TIGD1: variants seen among roughly 807,000 people sequenced by gnomAD.
The protein encoded by TIGD1 is tigger transposable element derived 1, also known as tigger transposable element-derived protein 1.
In TIGD1, 20 loss-of-function variants were observed where a neutral mutation model predicts 21.3. The observed-to-expected ratio is 0.94, with a 90% CI of 0.66 to 1.36. The LOEUF is 1.36. Ranked by LOEUF, TIGD1 falls within the 40% of genes most tolerant of loss-of-function variation. TIGD1 has a pLI of 0.00. For synonymous variants in TIGD1, 177 were observed against 123.2 expected (o/e 1.44, Z -2.89); for missense variants, 556 against 350.5 (o/e 1.59, Z -4.68).
rs1327752775 is a variant in TIGD1, at chr2:232,544,340, GC to G, written c.*3766del. The G allele has an allele frequency of 6.4e-7, 1 of 1,571,282 alleles. No individual in the cohort carries two copies. The highest frequency in any genetic ancestry group is 1.1e-5 in the South Asian group (1 of 90,250). ...CTTCTGCTCTGAAGCTCGGCCTGCT[GC>G]CCTAGTGAAGCCACCCCCTCTCTAG... On this transcript the variant is annotated 3_prime_UTR_variant, in exon 1 of 1. Coordinates refer to ENST00000408957, the MANE Select transcript of TIGD1 (RefSeq NM_145702.4).
Position 232,548,954 on chromosome 2 carries a change from G to C in TIGD1, c.929C>G (p.Ala310Gly), listed in dbSNP as rs1692195499. The C allele has an allele frequency of 1.5e-6, 1 of 685,880 alleles. No individual in the cohort carries two copies. The highest frequency in any genetic ancestry group is 1.8e-5 in the African/African-American group (1 of 56,798). 42.5% of individuals were successfully genotyped at this position (685,880 alleles called of 1,614,324 possible). A position where few individuals can be genotyped will look rare whatever the true frequency, so the allele number is the denominator to read the frequency against. The change falls in exon 1 of 1, where the codon GCT becomes GGT. Residue 310 changes from alanine (A) to glycine (G), a missense_variant. Ala to Gly is a moderately conservative substitution (Grantham distance 60, BLOSUM62 0). Coordinates refer to ENST00000408957, the MANE Select transcript of TIGD1 (RefSeq NM_145702.4). ...AATCTCCTCGTATATCTCCATCAGAGCTCTTGGATGACTAGGGGCATTGTC... is the reference window on the plus strand; with the variant it reads ...AATCTCCTCGTATATCTCCATCAGACCTCTTGGATGACTAGGGGCATTGTC... ...LIDNAPSHPR[A>G]LMEIYEEINV...
At position 232,544,837 on chromosome 2, in the gene TIGD1, C is replaced by T; in HGVS notation, c.*3270G>A. The T allele has an allele frequency of 6.2e-7, 1 of 1,613,944 alleles. No individual in the cohort carries two copies. Among genetic ancestry groups the T allele is most frequent in the Non-Finnish European group, 8.5e-7 (1 of 1,179,996 alleles). On this transcript the variant is annotated 3_prime_UTR_variant, in exon 1 of 1. Coordinates refer to ENST00000408957, the MANE Select transcript of TIGD1 (RefSeq NM_145702.4). ...CCTGAAGCAGGCTGCCCCAGCCATC[C>T]AGGCCTGTGTGGAAGCCTGCAACCT...
Position 232,550,500 on chromosome 2 carries a change from T to A in TIGD1, c.-618A>T. The A allele has an allele frequency of 1.7e-6, 1 of 593,040 alleles. No homozygotes were observed. Among genetic ancestry groups the A allele is most frequent in the Non-Finnish European group, 3.0e-6 (1 of 334,756 alleles). 36.7% of individuals were successfully genotyped at this position (593,040 alleles called of 1,614,324 possible). ...GGAGAGCGGGCGGGTCACAAGGACC[T>A]GGACAGAGGCAGAACTGAGGCCAGC... On this transcript the variant is annotated 5_prime_UTR_variant, in exon 1 of 1. Transcript: ENST00000408957.
rs1692098288 is a variant in TIGD1, at chr2:232,545,021, G to A, written c.*3086C>T. The A allele has an allele frequency of 2.3e-6, 3 of 1,278,860 alleles. No individual in the cohort carries two copies. The Admixed American group carries it at 5.8e-5, about 25-fold the overall frequency. 79.2% of individuals were successfully genotyped at this position (1,278,860 alleles called of 1,614,324 possible). On this transcript the variant is annotated 3_prime_UTR_variant, in exon 1 of 1. Coordinates refer to ENST00000408957, the MANE Select transcript of TIGD1 (RefSeq NM_145702.4). ...GTGGGATGGAAAAACATGAGGCCGG[G>A]TGCAGTGGGTCACACCTGTAATCCC... is the stretch of plus-strand genomic sequence containing the variant.
Position 232,545,948 on chromosome 2 carries a change from T to C in TIGD1, c.*2159A>G, listed in dbSNP as rs1174810945. ...TGCTGCAGTCAGCACACACGTGGGA[T>C]TGGCTAGCTCATCCTGGCACCAGCC... On this transcript the variant is annotated 3_prime_UTR_variant, in exon 1 of 1. Transcript: ENST00000408957. 6 of 627,436 alleles carry C rather than the reference T, an allele frequency of 9.6e-6. No individual in the cohort carries two copies. Among genetic ancestry groups the C allele is most frequent in the Admixed American group, 2.2e-5 (1 of 44,502 alleles). The allele number at this position is 627,436 out of a possible 1,614,324, so 38.9% of individuals were successfully genotyped here.
chr2:232,545,169 T>C lies in TIGD1; in HGVS notation c.*2938A>G, dbSNP rs531932726. ...AAAAATACCAAAAATTAGCTGGGTG[T>C]GGTGGCGGGCACCTGTATTCCCAGC... On this transcript the variant is annotated 3_prime_UTR_variant, in exon 1 of 1. Transcript: ENST00000408957. 6.6e-6 allele frequency among the ~76,000 whole-genome samples: 1 copy of C among 152,020 alleles called. No individual in the cohort carries two copies. Among genetic ancestry groups the C allele is most frequent in the Non-Finnish European group, 1.5e-5 (1 of 67,986 alleles).
rs1385612586 is a variant in TIGD1, at chr2:232,548,307, T to C, written c.1576A>G (p.Ser526Gly). ...AAGATTTCTCTGTAGCATGCGATGCTGTTTGATAGCATTTTGCCCACAGTA... is the reference window on the plus strand; with the variant it reads ...AAGATTTCTCTGTAGCATGCGATGCCGTTTGATAGCATTTTGCCCACAGTA... Reference protein sequence around the residue: ...SSTVGKMLSNSIACYREIFHE... With the variant: ...SSTVGKMLSNGIACYREIFHE... The change falls in exon 1 of 1, where the codon AGC (serine) becomes GGC (glycine). Residue 526 changes from serine (S) to glycine (G), a missense_variant. Physicochemically the swap from Ser to Gly is moderately conservative, Grantham distance 56 (BLOSUM62 0). Transcript: ENST00000408957. 9.3e-6 allele frequency: 14 copies of C among 1,510,104 alleles called. No homozygotes were observed. Among genetic ancestry groups the C allele is most frequent in the Non-Finnish European group, 1.2e-5 (14 of 1,128,974 alleles). The allele number at this position is 1,510,104 out of a possible 1,614,324, so 93.5% of individuals were successfully genotyped here.
Position 232,544,520 on chromosome 2 carries a change from G to C in TIGD1, c.*3587C>G, listed in dbSNP as rs1303013064. 1 of 1,613,880 alleles carries C rather than the reference G, an allele frequency of 6.2e-7. No homozygotes were observed. The highest frequency in any genetic ancestry group is 1.7e-5 in the Admixed American group (1 of 60,026). On this transcript the variant is annotated 3_prime_UTR_variant, in exon 1 of 1. Transcript: ENST00000408957. Reference sequence around the variant, plus strand: ...GGTGGCCCTCTGCCTGCCTCGCAGTGAACTCCTCTTCCAGCAGTGGCAGCG... The same window carrying C: ...GGTGGCCCTCTGCCTGCCTCGCAGTCAACTCCTCTTCCAGCAGTGGCAGCG...
At position 232,548,795 on chromosome 2, in the gene TIGD1, G is replaced by C. The variant is rs1419139477; in HGVS notation, c.1088C>G (p.Ser363Cys). 4 of 556,440 alleles carry C rather than the reference G, an allele frequency of 7.2e-6. No individual in the cohort carries two copies. Among genetic ancestry groups the C allele is most frequent in the South Asian group, 3.1e-5 (2 of 63,956 alleles). 34.5% of individuals were successfully genotyped at this position (556,440 alleles called of 1,614,324 possible). A position where few individuals can be genotyped will look rare whatever the true frequency, so the allele number is the denominator to read the frequency against. ...KALAAMDSDV[S>C]DGSGQSKLKT... ...CAATTTGCTTTGCCCAGATCCATCAGAGACATCACTATCCATGGCAGCTAG... is the reference window on the plus strand; with the variant it reads ...CAATTTGCTTTGCCCAGATCCATCACAGACATCACTATCCATGGCAGCTAG... Residue 363 changes from serine to cysteine, a missense_variant, in exon 1 of 1, where the codon TCT (serine) becomes TGT (cysteine). Physicochemically the swap from Ser to Cys is moderately radical, Grantham distance 112. Coordinates refer to ENST00000408957, the MANE Select transcript of TIGD1 (RefSeq NM_145702.4).
rs1223423867 is a variant in TIGD1, at chr2:232,548,518, TAA to T, written c.1363_1364del (p.Leu455AsnfsTer3). The T allele has an allele frequency of 4.0e-5, 26 of 652,534 alleles. No individual in the cohort carries two copies. The highest frequency in any genetic ancestry group is 4.0e-4 in the Middle Eastern group (1 of 2,506). The allele number at this position is 652,534 out of a possible 1,614,324, so 40.4% of individuals were successfully genotyped here. Reference protein sequence around the residue: ...TELLQSHDKTLTDEELFLMDA... With the variant: ...TELLQSHDKTXTDEELFLMDA... Reference sequence around the variant, plus strand: ...CCATAAGAAACAACTCCTCATCTGTTAAAGTTTTATCATGAGATTGCAGCAAT... The same window carrying T: ...CCATAAGAAACAACTCCTCATCTGTTAGTTTTATCATGAGATTGCAGCAAT... On this transcript the variant is annotated frameshift_variant, in exon 1 of 1. Coordinates refer to ENST00000408957, the MANE Select transcript of TIGD1 (RefSeq NM_145702.4). LOFTEE classifies it high-confidence loss of function.
Position 232,549,610 on chromosome 2 carries a change from T to G in TIGD1, c.273A>C (p.Glu91Asp). 1.4e-6 allele frequency: 1 copy of G among 693,274 alleles called. No homozygotes were observed. The highest frequency in any genetic ancestry group is 2.6e-6 in the Non-Finnish European group (1 of 381,962). 42.9% of individuals were successfully genotyped at this position (693,274 alleles called of 1,614,324 possible). Residue 91 changes from glutamate (E) to aspartate (D), a missense_variant, in exon 1 of 1, where the codon GAA becomes GAC. Physicochemically the swap from Glu to Asp is conservative, Grantham distance 45. Transcript: ENST00000408957. ...AGGGAATGTTGCGGCTGGTCTGATC[T>G]TCTATCCAGACCACTAAAACCTTCT... is the stretch of plus-strand genomic sequence containing the variant. ...DMEKVLVVWI[E>D]DQTSRNIPLS...
rs1692212695 is a variant in TIGD1, at chr2:232,549,227, A to T, written c.656T>A (p.Leu219Gln). 1.5e-6 allele frequency: 1 copy of T among 678,734 alleles called. No individual in the cohort carries two copies. Among genetic ancestry groups the T allele is most frequent in the Non-Finnish European group, 2.7e-6 (1 of 373,106 alleles). The allele number at this position is 678,734 out of a possible 1,614,324, so 42.0% of individuals were successfully genotyped here. A position where few individuals can be genotyped will look rare whatever the true frequency, so the allele number is the denominator to read the frequency against. ...VPGFKASKDR[L>Q]TLLLGANAAG... ...TGCATTAGCCCCTAACAAGAGAGTC[A>T]GCCTGTCCTTTGAAGCTTTGAAGCC... Residue 219 changes from leucine to glutamine, a missense_variant, in exon 1 of 1, where the codon CTG (leucine) becomes CAG (glutamine). Physicochemically the swap from Leu to Gln is moderately radical, Grantham distance 113 (BLOSUM62 -2). Coordinates refer to ENST00000408957, the MANE Select transcript of TIGD1 (RefSeq NM_145702.4).
In TIGD1 at chr2:232,547,773, A is replaced by G. The variant is rs1574648815; in HGVS notation, c.*334T>C. ...TTGTGTATCTGGCACAAGTCTCTCA[A>G]CCTCTCTGAAAGCCTCAGAGGGCAG... On this transcript the variant is annotated 3_prime_UTR_variant, in exon 1 of 1. Transcript: ENST00000408957. 6.6e-6 allele frequency among the ~76,000 whole-genome samples: 1 copy of G among 152,180 alleles called. No individual in the cohort carries two copies. Among genetic ancestry groups the G allele is most frequent in the South Asian group, 2.1e-4 (1 of 4,824 alleles).
Position 232,545,399 on chromosome 2 carries a change from A to C in TIGD1, c.*2708T>G. ...CTCAGGGCCAGGGGGCCATGGAATT[A>C]GCCACCAGTTGGGACCCGGACATAG... On this transcript the variant is annotated 3_prime_UTR_variant, in exon 1 of 1. Transcript: ENST00000408957. 3 of 761,144 alleles carry C rather than the reference A, an allele frequency of 3.9e-6. No homozygotes were observed. Among genetic ancestry groups the C allele is most frequent in the Non-Finnish European group, 6.8e-6 (3 of 442,472 alleles). 47.1% of individuals were successfully genotyped at this position (761,144 alleles called of 1,614,324 possible).
chr2:232,545,579 G>T lies in TIGD1; in HGVS notation c.*2528C>A, dbSNP rs760734396. 6.2e-7 allele frequency: 1 copy of T among 1,614,012 alleles called. No homozygotes were observed. Among genetic ancestry groups the T allele is most frequent in the South Asian group, 1.1e-5 (1 of 91,072 alleles). On this transcript the variant is annotated 3_prime_UTR_variant, in exon 1 of 1. Coordinates refer to ENST00000408957, the MANE Select transcript of TIGD1 (RefSeq NM_145702.4). ...GTGGTTCCTGGTGGGCCGAGTGCTG[G>T]ACCGCGTCTGCTTCCTGGCCATGCT...
Position 232,549,658 on chromosome 2 carries a change from T to C in TIGD1, c.225A>G (p.Arg75=), listed in dbSNP as rs746749105. The change falls in exon 1 of 1, where the codon CGA becomes CGG. Residue 75 remains arginine (R), a synonymous_variant. Coordinates refer to ENST00000408957, the MANE Select transcript of TIGD1 (RefSeq NM_145702.4). ...TPMNTRMIRK[R]NSLIADMEKV... is the part of the protein sequence containing the mutation. ...TCTCCATATCAGCAATAAGGCTGTT[T>C]CGCTTTCTTATCATTCGTGTGTTCA... 6.4e-5 allele frequency: 46 copies of C among 722,040 alleles called. No individual in the cohort carries two copies. The South Asian group carries it at 6.4e-4, about 10-fold the overall frequency. 44.7% of individuals were successfully genotyped at this position (722,040 alleles called of 1,614,324 possible).
rs1692168644 is a variant in TIGD1, at chr2:232,548,292, T to C, written c.1591A>G (p.Arg531Gly). ...CTCTTCCTTTCATGAAAGATTTCTC[T>C]GTAGCATGCGATGCTGTTTGATAGC... The part of the protein sequence containing the change: ...KMLSNSIACY[R>G]EIFHERKSQL... The change falls in exon 1 of 1, where the codon AGA becomes GGA. Residue 531 changes from arginine (R) to glycine (G), a missense_variant. Coordinates refer to ENST00000408957, the MANE Select transcript of TIGD1 (RefSeq NM_145702.4). 1.3e-6 allele frequency: 2 copies of C among 1,528,182 alleles called. No individual in the cohort carries two copies. The highest frequency in any genetic ancestry group is 1.8e-6 in the Non-Finnish European group (2 of 1,140,548). The allele number at this position is 1,528,182 out of a possible 1,614,324, so 94.7% of individuals were successfully genotyped here. A position where few individuals can be genotyped will look rare whatever the true frequency, so the allele number is the denominator to read the frequency against.
At position 232,545,465 on chromosome 2, in the gene TIGD1, A is replaced by T; in HGVS notation, c.*2642T>A. On this transcript the variant is annotated 3_prime_UTR_variant, in exon 1 of 1. Coordinates refer to ENST00000408957, the MANE Select transcript of TIGD1 (RefSeq NM_145702.4). The stretch of plus-strand genomic sequence containing the variant: ...GGAAATGGAGACATGGGCCTGCTGG[A>T]AGCCCAAGGATGAGAACAGGACCCA... 1 of 1,317,224 alleles carries T rather than the reference A, an allele frequency of 7.6e-7. No individual in the cohort carries two copies. The highest frequency in any genetic ancestry group is 1.1e-6 in the Non-Finnish European group (1 of 938,000). The allele number at this position is 1,317,224 out of a possible 1,614,324, so 81.6% of individuals were successfully genotyped here.
At position 232,549,062 on chromosome 2, in the gene TIGD1, G is replaced by A. The variant is rs767262488; in HGVS notation, c.821C>T (p.Ala274Val). 30 of 713,720 alleles carry A rather than the reference G, an allele frequency of 4.2e-5. No individual in the cohort carries two copies. In the African/African-American group the frequency reaches 4.9e-4, roughly 12 times the overall value. The allele number at this position is 713,720 out of a possible 1,614,324, so 44.2% of individuals were successfully genotyped here. A position where few individuals can be genotyped will look rare whatever the true frequency, so the allele number is the denominator to read the frequency against. Residue 274 changes from alanine (A) to valine (V), a missense_variant, in exon 1 of 1, where the codon GCG becomes GTG. Coordinates refer to ENST00000408957, the MANE Select transcript of TIGD1 (RefSeq NM_145702.4). ...KARMTAHLFT[A>V]WFTEYFKPTV... ...GGGTTTAAAATATTCAGTAAACCAC[G>A]CTGTAAACAGATGTGCTGTCATCCG...
Sources: allele counts gnomAD v4.1 joint callset (sites outside exome capture counted in the v4.1 genomes callset), GRCh38; gene constraint gnomAD v4.1.1; transcripts MANE v1.5; gene names NCBI Gene and HGNC (gene_info 2026-07-23, HGNC 2026-07-21).